The following CACNA1E variants were observed in gnomAD, a reference collection of about 807,000 sequenced individuals.
The protein encoded by CACNA1E is voltage-dependent R-type calcium channel subunit alpha-1E.
A neutral mutation model predicts 259.2 loss-of-function variants in CACNA1E; 40 were observed. The observed-to-expected ratio is 0.15, with a 90% confidence interval of 0.12 to 0.20. The LOEUF (loss-of-function observed/expected upper bound fraction) is 0.20, where lower values mean the gene tolerates loss of function less well. CACNA1E is among the 10% of genes least tolerant of loss of function. The pLI, the probability that CACNA1E is intolerant of heterozygous loss-of-function variation, is 1.00. For synonymous variants in CACNA1E, 1,104 were observed against 1,138.5 expected (o/e 0.97, Z 0.61); for missense variants, 1,874 against 3,040.1 (o/e 0.62, Z 9.02).
intron 1 of CACNA1E, among the ~76,000 whole-genome samples, chr1:181,353,423 GGAGGAAGTCA>G (rs2102678931): frequency 6.6e-6 from 1 of 152,334 alleles, no homozygotes; most frequent in Admixed American, 6.5e-5. Context: ...GTGGCTTTCT[GGAGGAAGTCA>G]TATCTGCTCT....
intron 8 of CACNA1E, among the ~76,000 whole-genome samples, chr1:181,714,454 A>T (rs1298126851): frequency 6.6e-6 from 1 of 152,156 alleles, no homozygotes; most frequent in Admixed American, 6.5e-5. Context: ...AACATTTAGC[A>T]TGCCCATCAT....
chr1:181,489,399 C>G (rs1386738870), intron 1 of CACNA1E, among the ~76,000 whole-genome samples: 1 of 152,140 alleles, frequency 6.6e-6, no homozygotes, highest in Non-Finnish European at 1.5e-5. Context: ...TTGTCTTCCT[C>G]TTGGGTAGGA....
intron 6 of CACNA1E, among the ~76,000 whole-genome samples, chr1:181,595,865 A>G (rs567883323): frequency 6.6e-6 from 1 of 152,260 alleles, no homozygotes; most frequent in East Asian, 1.9e-4. Flanking sequence ...CTATCAGCAC[A>G]CCATGCCTGG....
intron 24 of CACNA1E, 114 bp from the exon 25 acceptor site, chr1:181,739,033 T>G: frequency 1.3e-6 from 1 of 757,166 alleles, no homozygotes; most frequent in Non-Finnish European, 2.4e-6. Flanking sequence ...GGTCCTAGCA[T>G]AGGGTTGGTT....
chr1:181,572,973 C>G (rs1365661703), intron 3 of CACNA1E, among the ~76,000 whole-genome samples: 2 of 152,084 alleles, frequency 1.3e-5, no homozygotes, highest in Admixed American at 6.6e-5. Context: ...TAGCAACACA[C>G]TGGACTAAGG....
Position 181,798,319 on chromosome 1 carries a change from A to C in CACNA1E, c.6427A>C (p.Ile2143Leu). Reference sequence around the variant, plus strand: ...CACAGGTTCCCTAAGTGAGAGCTCCATCCCCTCTGTCTCTGACACCAGCAC... The same window carrying C: ...CACAGGTTCCCTAAGTGAGAGCTCCCTCCCCTCTGTCTCTGACACCAGCAC... ...QGTGSLSESSIPSVSDTSTPR... is the reference protein window; with the variant it reads ...QGTGSLSESSLPSVSDTSTPR... Residue 2143 changes from isoleucine to leucine, a missense_variant, in exon 48 of 48, where the codon ATC (isoleucine) becomes CTC (leucine). This residue lies in a region of CACNA1E where 542 missense variants were observed against 587.2 expected (regional missense o/e 0.92). Transcript: ENST00000367573. The surrounding 1 kb of genome is among the most constrained non-coding windows in gnomAD (Gnocchi z 4.2). 1 of 1,602,062 alleles carries C rather than the reference A, an allele frequency of 6.2e-7. No homozygotes were observed. The highest frequency in any genetic ancestry group is 1.1e-5 in the South Asian group (1 of 90,966).
At chr1:181,379,304 C>A (rs1468450596) in intron 1 of CACNA1E, among the ~76,000 whole-genome samples, 5 of 152,110 alleles carry the variant, frequency 3.3e-5, no homozygotes, top group Non-Finnish European at 5.9e-5. Context: ...TTTGAAGAAA[C>A]AATGGCTGAA....
intron 1 of CACNA1E, among the ~76,000 whole-genome samples, chr1:181,497,969 T>TC (rs1664912893): frequency 1.3e-5 from 2 of 151,932 alleles, no homozygotes; most frequent in African/African-American, 4.9e-5. Flanking sequence ...TATTTTGTCT[T>TC]TCCCCCGCCA....
intron 25 of CACNA1E, among the ~76,000 whole-genome samples, chr1:181,746,555 A>G (rs1657101872): frequency 6.6e-6 from 1 of 152,232 alleles, no homozygotes; most frequent in African/African-American, 2.4e-5. Context: ...GGCTTGGTAT[A>G]GATCTCTCCT....
At chr1:181,771,430 GGA>G (rs912943823) in intron 36 of CACNA1E, 46 bp downstream of exon 36, 4 of 1,015,712 alleles carry the variant, frequency 3.9e-6, no homozygotes, top group African/African-American at 3.2e-5. Flanking sequence ...CCTGATGGAG[GGA>G]GAGAGAGTTT....
intron 7 of CACNA1E, among the ~76,000 whole-genome samples, chr1:181,657,075 A>G (rs146961035): frequency 3.3e-5 from 5 of 152,326 alleles, no homozygotes; most frequent in South Asian, 2.1e-4. Flanking sequence ...GTATTTGTAT[A>G]TACACACATA....
chr1:181,736,793 T>C (rs1656080431), intron 22 of CACNA1E, among the ~76,000 whole-genome samples: 2 of 152,200 alleles, frequency 1.3e-5, no homozygotes, highest in Admixed American at 6.5e-5. Flanking sequence ...GAGCCAAGAA[T>C]GTGGAGCCTA....
intron 3 of CACNA1E, among the ~76,000 whole-genome samples, chr1:181,537,917 T>C (rs1338465043): frequency 1.3e-5 from 2 of 152,224 alleles, no homozygotes; most frequent in Admixed American, 1.3e-4. Flanking sequence ...AGCTAACACA[T>C]GTAAAGCACT....
At chr1:181,318,440 T>C (rs1650078364) in intron 1 of CACNA1E, among the ~76,000 whole-genome samples, 1 of 152,160 alleles carries the variant, frequency 6.6e-6, no homozygotes, top group East Asian at 1.9e-4. Context: ...GCCGCAGCGC[T>C]CAGGGCAGCA....
At chr1:181,516,343 C>CCACACA (rs3080529) in intron 3 of CACNA1E, among the ~76,000 whole-genome samples, 2,170 of 143,402 alleles carry the variant, frequency 0.015, 17 homozygotes, top group African/African-American at 0.023. Flanking sequence ...GTGCCAAAGA[C>CCACACA]CACACACACA....
Position 181,732,405 on chromosome 1 carries a change from C to G in CACNA1E, c.2319C>G (p.His773Gln). 6.5e-7 allele frequency: 1 copy of G among 1,539,214 alleles called. No individual in the cohort carries two copies. The highest frequency in any genetic ancestry group is 2.4e-5 in the East Asian group (1 of 40,818). The change falls in exon 20 of 48, where the codon CAC becomes CAG. Residue 773 changes from histidine (H) to glutamine (Q), a missense_variant. Coordinates refer to ENST00000367573, the MANE Select transcript of CACNA1E (RefSeq NM_001205293.3). The surrounding 1 kb of genome is among the most constrained non-coding windows in gnomAD (Gnocchi z 5.5). ...SSHLRERRRR[H>Q]HMSVWEQRTS... ...GCAGGAGGGAGCGGAGGCGCCGGCACCACATGTCCGTGTGGGAGCAGCGTA... is the reference window on the plus strand; with the variant it reads ...GCAGGAGGGAGCGGAGGCGCCGGCAGCACATGTCCGTGTGGGAGCAGCGTA...
intron 37 of CACNA1E, among the ~76,000 whole-genome samples, chr1:181,774,964 G>T (rs1483701009): frequency 6.6e-6 from 1 of 152,192 alleles, no homozygotes; most frequent in African/African-American, 2.4e-5. Flanking sequence ...GAGCAGGCTT[G>T]ATATGGGGCT....
At chr1:181,665,159 A>G (rs1648093285) in intron 7 of CACNA1E, among the ~76,000 whole-genome samples, 1 of 5,404 alleles carries the variant, frequency 1.9e-4, no homozygotes. Flanking sequence ...ATACCTATAC[A>G]CACACACACA....
At chr1:181,718,626 A>G (rs935221611) in intron 12 of CACNA1E, among the ~76,000 whole-genome samples, 1 of 145,332 alleles carries the variant, frequency 6.9e-6, no homozygotes, top group Non-Finnish European at 1.5e-5. Context: ...ACACACACAC[A>G]CACACACACA....
Sources: gnomAD v4.1 joint callset for allele counts (sites outside exome capture counted in the v4.1 genomes callset) on GRCh38, gnomAD v4.1.1 for gene constraint, gnomAD v4.1.1 regional missense constraint, Gnocchi (gnomAD v3.1) non-coding constraint, MANE v1.5 for transcripts, NCBI Gene and HGNC (gene_info 2026-07-23, HGNC 2026-07-21) for gene names.